Variants in DPP10 observed in about 807,000 individuals in gnomAD.
DPP10 encodes inactive dipeptidyl peptidase 10.
DPP10 carries 33 observed loss-of-function variants against 120.9 expected under a neutral mutation model. That is an observed-to-expected ratio of 0.27 (90% CI 0.21 to 0.37). The LOEUF (loss-of-function observed/expected upper bound fraction) is 0.37. Ranked by LOEUF, DPP10 falls within the 10% of genes least tolerant of loss-of-function variation. The pLI, the probability that DPP10 is intolerant of heterozygous loss-of-function variation, is 1.00. For synonymous variants in DPP10, 337 were observed against 326.1 expected (o/e 1.03, Z -0.36); for missense variants, 816 against 942.8 (o/e 0.87, Z 1.76).
intron 1 of DPP10, among the ~76,000 whole-genome samples, chr2:115,208,513 C>T (rs1007262635): frequency 1.3e-5 from 2 of 152,106 alleles, no homozygotes; most frequent in African/African-American, 4.8e-5. Context: ...TGGCAGCTTC[C>T]TTTACCTCTT....
At chr2:114,540,406 A>G (rs1021542425) in intron 1 of DPP10, among the ~76,000 whole-genome samples, 4 of 152,216 alleles carry the variant, frequency 2.6e-5, no homozygotes, top group Non-Finnish European at 5.9e-5. Context: ...AGGTACAATG[A>G]GTGGTATAAT....
intron 15 of DPP10, 25 bp from the exon 16 acceptor site, chr2:115,780,849 A>G (rs1164375837): frequency 1.3e-6 from 2 of 1,590,120 alleles, no homozygotes; most frequent in African/African-American, 2.7e-5. Flanking sequence ...GCATTTCTAT[A>G]ATAACTTCCT....
intron 1 of DPP10, among the ~76,000 whole-genome samples, chr2:114,838,564 T>C (rs1298437284): frequency 6.6e-6 from 1 of 152,164 alleles, no homozygotes; most frequent in Non-Finnish European, 1.5e-5. Context: ...CCCAAAGTAC[T>C]GGGATTACAG....
intron 1 of DPP10, among the ~76,000 whole-genome samples, chr2:114,801,593 G>A (rs1190819718): frequency 1.3e-5 from 2 of 152,134 alleles, no homozygotes; most frequent in African/African-American, 4.8e-5. Flanking sequence ...TGAATATTAA[G>A]TTAGATGATA....
chr2:115,610,928 G>A (rs1180012653), intron 5 of DPP10, among the ~76,000 whole-genome samples: 1 of 152,020 alleles, frequency 6.6e-6, no homozygotes. Flanking sequence ...GATATTCTTC[G>A]GCATTTCAGG....
chr2:114,897,814 G>T (rs1299493943), intron 1 of DPP10, among the ~76,000 whole-genome samples: 1 of 152,124 alleles, frequency 6.6e-6, no homozygotes, highest in Non-Finnish European at 1.5e-5. Flanking sequence ...TCTCACACCA[G>T]TTAGAATGGC....
intron 2 of DPP10, among the ~76,000 whole-genome samples, chr2:115,314,991 G>A (rs755587054): frequency 2.0e-5 from 3 of 152,096 alleles, no homozygotes; most frequent in African/African-American, 7.2e-5. Flanking sequence ...AGGAAGTAGA[G>A]CAGTTTTCTA....
chr2:115,094,595 TG>T (rs1478576382), intron 1 of DPP10, among the ~76,000 whole-genome samples: 3 of 152,176 alleles, frequency 2.0e-5, no homozygotes, highest in Non-Finnish European at 4.4e-5. Flanking sequence ...TTACATTCCC[TG>T]GACCTAAAAT....
chr2:115,428,172 A>T (rs2070651217), intron 3 of DPP10, among the ~76,000 whole-genome samples: 1 of 152,182 alleles, frequency 6.6e-6, no homozygotes, highest in Admixed American at 6.5e-5. Context: ...TTTTGGTCAC[A>T]ACTATTTAAG....
At chr2:115,799,704 G>A (rs1015892330) in intron 19 of DPP10, among the ~76,000 whole-genome samples, 3 of 150,098 alleles carry the variant, frequency 2.0e-5, no homozygotes, top group East Asian at 2.0e-4. Flanking sequence ...TTGTCCTTGC[G>A]ATAGTTTGCT....
chr2:115,563,081 T>G (rs1003729618), intron 5 of DPP10, among the ~76,000 whole-genome samples: 1 of 152,238 alleles, frequency 6.6e-6, no homozygotes, highest in Non-Finnish European at 1.5e-5. Flanking sequence ...TCTCCTTTTA[T>G]GAACATCATG....
chr2:114,933,087 T>A (rs78751898), intron 1 of DPP10, among the ~76,000 whole-genome samples: 34,418 of 151,958 alleles, frequency 0.23, 4,184 homozygotes, highest in South Asian at 0.29. Flanking sequence ...CCTCTTTTTT[T>A]AAAAAAAACT....
intron 1 of DPP10, among the ~76,000 whole-genome samples, chr2:114,618,086 A>G (rs1389027883): frequency 6.6e-6 from 1 of 152,108 alleles, no homozygotes; most frequent in African/African-American, 2.4e-5. Flanking sequence ...GATGGGCCAA[A>G]TATATTTAGA....
chr2:114,902,336 C>T (rs1693645324), intron 1 of DPP10, among the ~76,000 whole-genome samples: 1 of 152,254 alleles, frequency 6.6e-6, no homozygotes, highest in Middle Eastern at 3.4e-3. Context: ...AGAACTGTCT[C>T]TTTGCTACTG....
At chr2:114,908,794 T>C (rs967588231) in intron 1 of DPP10, among the ~76,000 whole-genome samples, 1 of 151,758 alleles carries the variant, frequency 6.6e-6, no homozygotes, top group Non-Finnish European at 1.5e-5. Flanking sequence ...ATTATCTTGC[T>C]TGATTATTTT....
chr2:114,650,173 T>G (rs1298695384), intron 1 of DPP10, among the ~76,000 whole-genome samples: 1 of 152,160 alleles, frequency 6.6e-6, no homozygotes, highest in Non-Finnish European at 1.5e-5. Context: ...CACCTGAGTC[T>G]TATGATCTAA....
At chr2:114,771,398 G>C (rs749539615) in intron 1 of DPP10, among the ~76,000 whole-genome samples, 1 of 152,098 alleles carries the variant, frequency 6.6e-6, no homozygotes, top group African/African-American at 2.4e-5. Flanking sequence ...AACATCCCTC[G>C]TTGTTTTACC....
At chr2:115,060,050 G>A (rs1459509922) in intron 1 of DPP10, among the ~76,000 whole-genome samples, 2 of 151,972 alleles carry the variant, frequency 1.3e-5, no homozygotes, top group African/African-American at 2.4e-5. Flanking sequence ...ATTATTTAAA[G>A]CTCCCTCTCT....
intron 10 of DPP10, chr2:115,750,332 G>C (rs1220430904): frequency 2.1e-6 from 1 of 470,708 alleles, no homozygotes; most frequent in Non-Finnish European, 2.8e-6. Flanking sequence ...AAGTGATTGA[G>C]TTAATAGATA....
Sources: allele counts gnomAD v4.1 joint callset (sites outside exome capture counted in the v4.1 genomes callset), GRCh38; gene constraint gnomAD v4.1.1; transcripts MANE v1.5; gene names NCBI Gene and HGNC (gene_info 2026-07-23, HGNC 2026-07-21).